CAPN3: variants seen among roughly 807,000 people sequenced by gnomAD.
CAPN3 encodes the protein calpain 3.
CAPN3 carries 88 observed loss-of-function variants against 114.0 expected under a neutral mutation model. That is an observed-to-expected ratio of 0.77 (90% confidence interval 0.65 to 0.92). The LOEUF is 0.92. Among genes scored for constraint, CAPN3 ranks in the 40% least tolerant of loss-of-function variants. CAPN3 has a pLI of 0.00. For synonymous variants in CAPN3, 386 were observed against 382.9 expected, an observed-to-expected ratio of 1.01 and a Z score of -0.09; for missense variants, 1,028 against 1,069.0, an observed-to-expected ratio of 0.96 and a Z score of 0.53.
In CAPN3 at chr15:42,360,035, AC is replaced by A. The variant is rs2052598246; in HGVS notation, c.233del (p.Pro78LeufsTer49). ...KCLEKKVLYV[D>X]PEFPPDETSL... ...CTAGAAAAGAAAGTTCTTTATGTGG[AC>A]CCTGAGTTCCCACCGGATGAGACCT... On this transcript the variant is annotated frameshift_variant, in exon 1 of 24. Coordinates refer to ENST00000397163, the MANE Select transcript of CAPN3 (RefSeq NM_000070.3). LOFTEE classifies it high-confidence loss of function. The A allele has an allele frequency of 1.2e-6, 2 of 1,614,056 alleles. No individual in the cohort carries two copies. The highest frequency in any genetic ancestry group is 1.3e-5 in the African/African-American group (1 of 74,924).
At chr15:42,376,379 T>C (rs2053089695) in intron 1 of CAPN3, among the ~76,000 whole-genome samples, 1 of 152,222 alleles carries the variant, frequency 6.6e-6, no homozygotes, top group Admixed American at 6.5e-5. Context: ...TCCCCATTTG[T>C]TTATTTATTC....
chr15:42,363,811 A>G (rs1460576924), intron 1 of CAPN3, among the ~76,000 whole-genome samples: 1 of 152,176 alleles, frequency 6.6e-6, no homozygotes, highest in Non-Finnish European at 1.5e-5. Flanking sequence ...CCACTTTACA[A>G]AGGAGGGAAC....
chr15:42,388,959 G>A lies in CAPN3; in HGVS notation c.664G>A (p.Gly222Arg), dbSNP rs1345121557. 1.9e-6 allele frequency: 3 copies of A among 1,613,962 alleles called. No individual in the cohort carries two copies. Among genetic ancestry groups the A allele is most frequent in the Non-Finnish European group, 2.5e-6 (3 of 1,180,004 alleles). The change falls in exon 5 of 24, where the codon GGG becomes AGG. Residue 222 changes from glycine to arginine, a missense_variant. Transcript: ENST00000397163. ...TGGTTCCTACGAAGCTCTGAAAGGT[G>A]GGAACACCACAGAGGCCATGGAGGA... is the stretch of plus-strand genomic sequence containing the variant. ...LHGSYEALKGGNTTEAMEDFT... is the reference protein window; with the variant it reads ...LHGSYEALKGRNTTEAMEDFT...
chr15:42,375,628 A>C (rs748014520), intron 1 of CAPN3, among the ~76,000 whole-genome samples: 1 of 152,190 alleles, frequency 6.6e-6, no homozygotes, highest in African/African-American at 2.4e-5. Flanking sequence ...TGAAAAAACT[A>C]TTAGAAGTAT....
Position 42,406,826 on chromosome 15 carries a change from G to A in CAPN3, c.1800+883G>A, listed in dbSNP as rs143093405. Among the ~76,000 whole-genome samples, 716 of 152,112 alleles carry A rather than the reference G, an allele frequency of 4.7e-3. 5 individuals are homozygous for A. The highest frequency in any genetic ancestry group is 0.017 in the African/African-American group (689 of 41,488). On this transcript the variant is annotated intron_variant, in intron 15 of 23. Transcript: ENST00000397163. ...CCCCCTCAGACTGTGACCTCCATTT[G>A]CTCTGGGATCCCCACAAGCTTCAGC...
intron 10 of CAPN3, among the ~76,000 whole-genome samples, chr15:42,400,126 C>A (rs533807420): frequency 6.6e-6 from 1 of 152,136 alleles, no homozygotes; most frequent in Non-Finnish European, 1.5e-5. Context: ...AATGGTTGTA[C>A]GGGTACTCGA....
chr15:42,390,786 T>TG (rs1299809283), intron 6 of CAPN3, among the ~76,000 whole-genome samples: 6 of 150,088 alleles, frequency 4.0e-5, no homozygotes, highest in African/African-American at 1.2e-4. Context: ...TTTTTTGTTT[T>TG]TTTGTTTTTT....
chr15:42,402,052 C>G (rs1297011370), intron 11 of CAPN3, 72 bp from the exon 12 acceptor site: 1 of 1,596,490 alleles, frequency 6.3e-7, no homozygotes, highest in African/African-American at 1.3e-5. Flanking sequence ...GCTGCAGTTG[C>G]TGGCATTGCC....
chr15:42,411,697 G>GGGC, intron 23 of CAPN3, 50 bp from the exon 24 acceptor site: 1 of 810,250 alleles, frequency 1.2e-6, no homozygotes, highest in Non-Finnish European at 2.0e-6. Context: ...GCGGGGGGGG[G>GGGC]GGGGGTCACT....
chr15:42,361,844 C>T (rs1360827541), intron 1 of CAPN3, among the ~76,000 whole-genome samples: 3 of 152,206 alleles, frequency 2.0e-5, no homozygotes, highest in South Asian at 2.1e-4. Flanking sequence ...CTTCTCACAC[C>T]GGAGGCCTTT....
intron 7 of CAPN3, among the ~76,000 whole-genome samples, chr15:42,393,269 GT>G (rs560724497): frequency 2.6e-5 from 4 of 151,942 alleles, no homozygotes; most frequent in African/African-American, 9.7e-5. Flanking sequence ...ACTGCATTGG[GT>G]TTTTTTGGTA....
At chr15:42,388,228 A>G (rs541092243) in intron 4 of CAPN3, among the ~76,000 whole-genome samples, 9 of 152,276 alleles carry the variant, frequency 5.9e-5, no homozygotes, top group Admixed American at 5.2e-4. Context: ...GCTTGGCTCA[A>G]CCTCATGTGC....
chr15:42,374,293 T>C (rs1489112852), intron 1 of CAPN3: 2 of 152,526 alleles, frequency 1.3e-5, no homozygotes, highest in Non-Finnish European at 2.9e-5. Flanking sequence ...CGCCATGCCC[T>C]ACCTGCTGTC....
At chr15:42,410,305 G>A in intron 19 of CAPN3, 123 bp from the exon 20 acceptor site, 1 of 909,260 alleles carries the variant, frequency 1.1e-6, no homozygotes, top group South Asian at 1.3e-5. Context: ...GTGGTGGAGT[G>A]GAGGGGAGGG....
chr15:42,380,368 CTTTTTTTT>C (rs776441239), intron 1 of CAPN3, among the ~76,000 whole-genome samples: 3 of 46,108 alleles, frequency 6.5e-5, no homozygotes, highest in African/African-American at 3.4e-4. Flanking sequence ...TCTTTTTTGT[CTTTTTTTT>C]TTTTTTTTTT....
rs1595850610 is a variant in CAPN3, at chr15:42,411,979, G to A, written c.*206G>A. On this transcript the variant is annotated 3_prime_UTR_variant, in exon 24 of 24. Transcript: ENST00000397163. Reference sequence around the variant, plus strand: ...GCCTGACCCTTTAGTAAAGCAATGAGGTAGGAAGAACAAACCCTTGTCCCT... The same window carrying A: ...GCCTGACCCTTTAGTAAAGCAATGAAGTAGGAAGAACAAACCCTTGTCCCT... The A allele has an allele frequency of 6.6e-7, 1 of 1,511,300 alleles. No homozygotes were observed. The highest frequency in any genetic ancestry group is 8.9e-7 in the Non-Finnish European group (1 of 1,129,258). 93.6% of individuals were successfully genotyped at this position (1,511,300 alleles called of 1,614,324 possible). A position where few individuals can be genotyped will look rare whatever the true frequency, so the allele number is the denominator to read the frequency against.
At chr15:42,404,760 G>T in intron 14 of CAPN3, 1 of 1,127,844 alleles carries the variant, frequency 8.9e-7, no homozygotes, top group Non-Finnish European at 1.1e-6. Context: ...ACTGTCTTCT[G>T]GGCAGTGACA....
At chr15:42,406,925 G>A (rs1441759265) in intron 15 of CAPN3, among the ~76,000 whole-genome samples, 1 of 152,166 alleles carries the variant, frequency 6.6e-6, no homozygotes, top group Non-Finnish European at 1.5e-5. Flanking sequence ...CAAAGCTGGG[G>A]AGCCGTTTCC....
Position 42,397,057 on chromosome 15 carries a change from G to A in CAPN3, c.1193+180G>A, listed in dbSNP as rs1184567061. ...CTGAGAGGAGCCTTCCAGGCCACAGGGACAACTGAGCCCAGGACCAGGCCA... is the reference window on the plus strand; with the variant it reads ...CTGAGAGGAGCCTTCCAGGCCACAGAGACAACTGAGCCCAGGACCAGGCCA... On this transcript the variant is annotated intron_variant, in intron 9 of 23. Transcript: ENST00000397163. Among the ~76,000 whole-genome samples the A allele has an allele frequency of 3.3e-5, 5 of 152,290 alleles. No homozygotes were observed. In the East Asian group the frequency reaches 9.7e-4, roughly 29 times the overall value.
Sources: allele counts gnomAD v4.1 joint callset (sites outside exome capture counted in the v4.1 genomes callset), GRCh38; gene constraint gnomAD v4.1.1; transcripts MANE v1.5; gene names NCBI Gene and HGNC (gene_info 2026-07-23, HGNC 2026-07-21).